The following GRK5 variants were observed in gnomAD, a reference collection of about 807,000 sequenced individuals.
The protein encoded by GRK5 is g protein-coupled receptor kinase GRK5.
A neutral mutation model predicts 78.4 loss-of-function variants in GRK5; 40 were observed. That is an observed-to-expected ratio of 0.51 (90% CI 0.40 to 0.66). The LOEUF is 0.66. Among genes scored for constraint, GRK5 ranks in the 30% least tolerant of loss-of-function variants. The pLI, the probability that GRK5 is intolerant of heterozygous loss-of-function variation, is 0.00. For synonymous variants in GRK5, 289 were observed against 296.8 expected, an observed-to-expected ratio of 0.97 and a Z score of 0.27; for missense variants, 598 against 759.9, an observed-to-expected ratio of 0.79 and a Z score of 2.50.
At chr10:119,246,646 G>A (rs1004668732) in intron 1 of GRK5, among the ~76,000 whole-genome samples, 7 of 152,196 alleles carry the variant, frequency 4.6e-5, no homozygotes, top group African/African-American at 1.7e-4. Flanking sequence ...AAGAAGTGGT[G>A]TCTGGAGGCC....
At chr10:119,300,942 AC>A (rs1589730779) in intron 1 of GRK5, among the ~76,000 whole-genome samples, 2 of 152,162 alleles carry the variant, frequency 1.3e-5, no homozygotes, top group East Asian at 3.9e-4. Context: ...TGCAAAAAAA[AC>A]AAAAAACAAA....
chr10:119,360,526 TG>T (rs1168063479), intron 2 of GRK5, among the ~76,000 whole-genome samples: 51 of 148,524 alleles, frequency 3.4e-4, no homozygotes, highest in Admixed American at 3.4e-3. Flanking sequence ...GGGAGGAGCC[TG>T]TGTGAGTGGG....
chr10:119,431,346 C>A lies in GRK5; in HGVS notation c.598-41C>A. ...CCTGGAGGAGCTCGGGGCAGGCCTC[C>A]ACGGTGCTCCTGCCACCCTGGTTTC... On this transcript the variant is annotated intron_variant, in intron 7 of 15. Transcript: ENST00000392870. The surrounding 1 kb of genome is among the most constrained non-coding windows in gnomAD (Gnocchi z 4.8). The A allele has an allele frequency of 1.3e-6, 2 of 1,593,546 alleles. No homozygotes were observed. The highest frequency in any genetic ancestry group is 2.3e-5 in the South Asian group (2 of 87,460).
intron 3 of GRK5, among the ~76,000 whole-genome samples, chr10:119,382,341 A>G (rs1394866118): frequency 1.3e-5 from 2 of 152,124 alleles, no homozygotes; most frequent in South Asian, 2.1e-4. Context: ...AGCCTTAAAA[A>G]CACACCAGAG....
chr10:119,452,582 C>T lies in GRK5; in HGVS notation c.1405-89C>T. On this transcript the variant is annotated intron_variant, in intron 13 of 15. Transcript: ENST00000392870. The surrounding 1 kb of genome is among the most constrained non-coding windows in gnomAD (Gnocchi z 4.4). Reference sequence around the variant, plus strand: ...TGGGGGTGTGTCCTGGGAAGACTCCCTTCTGCTCCCCAAAACCCCAAGGCC... The same window carrying T: ...TGGGGGTGTGTCCTGGGAAGACTCCTTTCTGCTCCCCAAAACCCCAAGGCC... The T allele has an allele frequency of 6.6e-7, 1 of 1,507,776 alleles. No homozygotes were observed. The highest frequency in any genetic ancestry group is 9.1e-7 in the Non-Finnish European group (1 of 1,101,340). 93.4% of individuals were successfully genotyped at this position (1,507,776 alleles called of 1,614,324 possible).
intron 1 of GRK5, among the ~76,000 whole-genome samples, chr10:119,243,566 CTTT>C (rs1554898016): frequency 1.4e-5 from 2 of 148,004 alleles, no homozygotes; most frequent in African/African-American, 5.0e-5. Flanking sequence ...CCCAGTTTTT[CTTT>C]TTTTTTTTTT....
chr10:119,216,171 C>T (rs754126428), intron 1 of GRK5, among the ~76,000 whole-genome samples: 7 of 152,230 alleles, frequency 4.6e-5, no homozygotes, highest in African/African-American at 7.2e-5. Flanking sequence ...GTCTATCTGA[C>T]GTACCAGAGT....
chr10:119,383,762 G>A (rs1851750176), intron 3 of GRK5, among the ~76,000 whole-genome samples: 1 of 152,206 alleles, frequency 6.6e-6, no homozygotes, highest in East Asian at 1.9e-4. Flanking sequence ...GTTATCAGTA[G>A]TCTCCTTGCT....
In GRK5 at chr10:119,412,637, G is replaced by A. The variant is rs2133871735; in HGVS notation, c.340-10529G>A. ...GACGGACGTGAGGGTGTGTGGCAGT[G>A]GCTTTTCCACATGGCCCTGAAGGTT... On this transcript the variant is annotated intron_variant, in intron 4 of 15. Coordinates refer to ENST00000392870, the MANE Select transcript of GRK5 (RefSeq NM_005308.3). This position sits in a 1 kb window ranked among gnomAD's most constrained non-coding sequence, Gnocchi z 4.3. Among the ~76,000 whole-genome samples the A allele has an allele frequency of 6.6e-6, 1 of 152,296 alleles. No individual in the cohort carries two copies. Among genetic ancestry groups the A allele is most frequent in the South Asian group, 2.1e-4 (1 of 4,830 alleles).
intron 1 of GRK5, among the ~76,000 whole-genome samples, chr10:119,211,169 T>G (rs577542358): frequency 4.3e-4 from 65 of 152,312 alleles, no homozygotes; most frequent in African/African-American, 1.4e-3. Flanking sequence ...CTGGGTCTCA[T>G]GAGAAAACAT....
At chr10:119,415,247 G>C (rs116348673) in intron 4 of GRK5, among the ~76,000 whole-genome samples, 1,613 of 152,214 alleles carry the variant, frequency 0.011, 32 homozygotes, top group African/African-American at 0.037. Flanking sequence ...AGGTCCTAAA[G>C]AACTGGGTGG....
intron 1 of GRK5, among the ~76,000 whole-genome samples, chr10:119,324,146 G>T (rs1329139562): frequency 6.6e-6 from 1 of 152,226 alleles, no homozygotes; most frequent in Non-Finnish European, 1.5e-5. Context: ...GATCCTCTGA[G>T]AATTTCTCTT....
At chr10:119,269,251 G>A (rs1589713148) in intron 1 of GRK5, among the ~76,000 whole-genome samples, 1 of 152,304 alleles carries the variant, frequency 6.6e-6, no homozygotes, top group East Asian at 1.9e-4. Flanking sequence ...TTCTCTGACA[G>A]TTAGGGTGAC....
rs1853124543 is a variant in GRK5, at chr10:119,445,420, C to G, written c.1266+1668C>G. Among the ~76,000 whole-genome samples, 1 of 152,054 alleles carries G rather than the reference C, an allele frequency of 6.6e-6. No individual in the cohort carries two copies. Among genetic ancestry groups the G allele is most frequent in the South Asian group, 2.1e-4 (1 of 4,826 alleles). ...AGAGGATGACGAGGCGGAGAGGGCC[C>G]CAGTCCCACCCCCAGACCCCAGACA... On this transcript the variant is annotated intron_variant, in intron 12 of 15. Coordinates refer to ENST00000392870, the MANE Select transcript of GRK5 (RefSeq NM_005308.3). This position sits in a 1 kb window ranked among gnomAD's most constrained non-coding sequence, Gnocchi z 4.1.
intron 4 of GRK5, among the ~76,000 whole-genome samples, chr10:119,416,310 G>A (rs112327765): frequency 9.0e-4 from 137 of 152,378 alleles, no homozygotes; most frequent in African/African-American, 3.0e-3. Context: ...AGGTGCAGCC[G>A]CCTTGGCGAC....
intron 1 of GRK5, among the ~76,000 whole-genome samples, chr10:119,256,283 C>G (rs78250805): frequency 1.3e-5 from 2 of 152,118 alleles, no homozygotes; most frequent in Non-Finnish European, 2.9e-5. Flanking sequence ...GCGGACCCCC[C>G]CACACACCTC....
intron 1 of GRK5, among the ~76,000 whole-genome samples, chr10:119,295,506 A>G (rs966714925): frequency 2.0e-5 from 3 of 152,202 alleles, no homozygotes; most frequent in Non-Finnish European, 2.9e-5. Flanking sequence ...TATGGAAAAG[A>G]TAGTTGCACA....
chr10:119,223,072 C>G (rs904129068), intron 1 of GRK5, among the ~76,000 whole-genome samples: 1 of 152,202 alleles, frequency 6.6e-6, no homozygotes, highest in Non-Finnish European at 1.5e-5. Flanking sequence ...GTTCTGGAGG[C>G]CAGACGTTTG....
intron 1 of GRK5, among the ~76,000 whole-genome samples, chr10:119,306,086 T>A (rs1850268024): frequency 6.6e-6 from 1 of 152,026 alleles, no homozygotes; most frequent in African/African-American, 2.4e-5. Flanking sequence ...GTGAGGGAGT[T>A]GAACCACTGG....
Sources: gnomAD v4.1 joint callset for allele counts (sites outside exome capture counted in the v4.1 genomes callset) on GRCh38, gnomAD v4.1.1 for gene constraint, Gnocchi (gnomAD v3.1) non-coding constraint, MANE v1.5 for transcripts, NCBI Gene and HGNC (gene_info 2026-07-23, HGNC 2026-07-21) for gene names.